Variants in RNF38 observed in about 807,000 individuals in gnomAD.
The protein encoded by RNF38 is E3 ubiquitin-protein ligase RNF38.
RNF38 carries 15 observed loss-of-function variants against 67.2 expected under a neutral mutation model. The ratio of observed to expected loss-of-function variants is 0.22; its 90% CI spans 0.15 to 0.34. The LOEUF (loss-of-function observed/expected upper bound fraction) is 0.34, where lower values mean the gene tolerates loss of function less well. Among genes scored for constraint, RNF38 ranks in the 10% least tolerant of loss-of-function variants. RNF38 has a pLI of 1.00. For missense variants in RNF38, 524 were observed against 639.9 expected (o/e 0.82, Z 1.95); for synonymous variants, 220 against 218.8 (o/e 1.01, Z -0.05).
chr9:36,448,758 C>T (rs2134325598), intron 1 of RNF38, among the ~76,000 whole-genome samples: 1 of 152,306 alleles, frequency 6.6e-6, no homozygotes, highest in Admixed American at 6.5e-5. Context: ...AATCTCAGCA[C>T]TTTGGGAGAC....
intron 1 of RNF38, among the ~76,000 whole-genome samples, chr9:36,432,969 G>T (rs1319730841): frequency 6.6e-6 from 1 of 151,962 alleles, no homozygotes; most frequent in Non-Finnish European, 1.5e-5. Context: ...GTACCTATAG[G>T]AATTCAAATC....
chr9:36,354,887 G>A (rs545110938), intron 6 of RNF38, among the ~76,000 whole-genome samples: 5 of 152,308 alleles, frequency 3.3e-5, no homozygotes, highest in African/African-American at 4.8e-5. Context: ...ATGCATGCTT[G>A]AGAGAAATCA....
intron 1 of RNF38, among the ~76,000 whole-genome samples, chr9:36,432,459 T>A (rs1433335587): frequency 6.6e-6 from 1 of 151,512 alleles, no homozygotes; most frequent in Non-Finnish European, 1.5e-5. Context: ...TATCCACTCA[T>A]AACTTCCCAT....
At chr9:36,374,985 T>C (rs1026999639) in intron 3 of RNF38, among the ~76,000 whole-genome samples, 32 of 152,170 alleles carry the variant, frequency 2.1e-4, no homozygotes, top group Non-Finnish European at 7.3e-5. Flanking sequence ...AGATCATTGA[T>C]ATTCCTTCAA....
intron 1 of RNF38, among the ~76,000 whole-genome samples, chr9:36,450,330 G>C (rs145599466): frequency 7.8e-4 from 118 of 152,180 alleles, no homozygotes; most frequent in Admixed American, 1.5e-3. Flanking sequence ...GCTGCCACCA[G>C]GTGGCAAGAG....
chr9:36,425,776 A>C (rs1482126924), intron 1 of RNF38, among the ~76,000 whole-genome samples: 2 of 152,252 alleles, frequency 1.3e-5, no homozygotes, highest in African/African-American at 4.8e-5. Flanking sequence ...TTAAGTCATA[A>C]ATAAAAAGCA....
intron 1 of RNF38, among the ~76,000 whole-genome samples, chr9:36,473,410 A>G (rs1840043193): frequency 6.6e-6 from 1 of 151,900 alleles, no homozygotes; most frequent in Non-Finnish European, 1.5e-5. Flanking sequence ...TAACATGGTA[A>G]AATCTCGTTT....
intron 9 of RNF38, among the ~76,000 whole-genome samples, chr9:36,347,634 G>A (rs376625684): frequency 1.4e-4 from 22 of 152,272 alleles, no homozygotes; most frequent in Middle Eastern, 6.8e-3. Context: ...TCCACTGAAC[G>A]ACTGGCTATT....
At chr9:36,373,792 G>GT (rs1025713010) in intron 3 of RNF38, among the ~76,000 whole-genome samples, 1 of 151,062 alleles carries the variant, frequency 6.6e-6, no homozygotes, top group African/African-American at 2.4e-5. Flanking sequence ...GCCTTTTTTT[G>GT]TTTTTTGTTT....
intron 1 of RNF38, among the ~76,000 whole-genome samples, chr9:36,470,330 C>A (rs1839967363): frequency 6.6e-6 from 1 of 152,174 alleles, no homozygotes. Flanking sequence ...AAGCCCCAAT[C>A]CATAATGCTT....
chr9:36,478,484 G>A (rs1230780641), intron 1 of RNF38, among the ~76,000 whole-genome samples: 1 of 148,688 alleles, frequency 6.7e-6, no homozygotes, highest in Non-Finnish European at 1.5e-5. Context: ...TAGCAATAGG[G>A]AGAAATCACT....
In RNF38 at chr9:36,478,989, TAAAGAG is replaced by T. The variant is rs1408203401; in HGVS notation, n.241+8313_241+8318del. 2.6e-5 allele frequency among the ~76,000 whole-genome samples: 4 copies of T among 152,232 alleles called. No individual in the cohort carries two copies. The East Asian group carries it at 7.7e-4, about 29-fold the overall frequency. The stretch of plus-strand genomic sequence containing the variant: ...TACTTTTAAGTTACAATTTCAGACT[TAAAGAG>T]AAAGGTTCCAAGCTCAGTCTTGTCC... On this transcript the variant is annotated intron_variant and non_coding_transcript_variant, in intron 1 of 3. Coordinates refer to the RNF38 transcript ENST00000488058.
intron 4 of RNF38, among the ~76,000 whole-genome samples, chr9:36,369,088 C>A (rs1292807312): frequency 1.3e-5 from 2 of 152,208 alleles, no homozygotes; most frequent in East Asian, 3.9e-4. Context: ...AAGATGTACC[C>A]AACTGTCTTG....
At chr9:36,378,847 C>T (rs1376974804) in intron 2 of RNF38, among the ~76,000 whole-genome samples, 1 of 151,498 alleles carries the variant, frequency 6.6e-6, no homozygotes, top group African/African-American at 2.4e-5. Context: ...AAAGAAGAGA[C>T]AAAGAATGGG....
chr9:36,362,744 C>T (rs915250375), intron 4 of RNF38, among the ~76,000 whole-genome samples: 33 of 152,012 alleles, frequency 2.2e-4, no homozygotes, highest in African/African-American at 1.7e-4. Flanking sequence ...AGCCATTCTC[C>T]GGCCTCAGCC....
At chr9:36,435,309 G>A (rs1839037722) in intron 1 of RNF38, among the ~76,000 whole-genome samples, 1 of 152,116 alleles carries the variant, frequency 6.6e-6, no homozygotes. Context: ...AAATTACAGT[G>A]GTTATAATAT....
intron 1 of RNF38, among the ~76,000 whole-genome samples, chr9:36,391,561 G>C (rs910526314): frequency 6.7e-6 from 1 of 149,854 alleles, no homozygotes; most frequent in East Asian, 2.0e-4. Context: ...CTACATTTAA[G>C]CATCTATTTG....
chr9:36,371,778 G>C (rs369133244), intron 3 of RNF38, among the ~76,000 whole-genome samples: 1 of 151,738 alleles, frequency 6.6e-6, no homozygotes, highest in East Asian at 1.9e-4. Flanking sequence ...AATTTTTCTC[G>C]TATTGCCTTC....
At chr9:36,467,489 T>C (rs919011600) in intron 1 of RNF38, among the ~76,000 whole-genome samples, 2 of 152,050 alleles carry the variant, frequency 1.3e-5, no homozygotes, top group South Asian at 2.1e-4. Flanking sequence ...GAGAAGAGCC[T>C]AGCCCTCTGT....
Sources: gnomAD v4.1 joint callset for allele counts (sites outside exome capture counted in the v4.1 genomes callset) on GRCh38, gnomAD v4.1.1 for gene constraint, MANE v1.5 for transcripts, NCBI Gene and HGNC (gene_info 2026-07-23, HGNC 2026-07-21) for gene names.